Variants in MARCHF3 observed in about 807,000 individuals in gnomAD.
MARCHF3 encodes the protein E3 ubiquitin-protein ligase MARCHF3.
In MARCHF3, 13 loss-of-function variants were observed where a neutral mutation model predicts 24.2. That is an observed-to-expected ratio of 0.54 (90% CI 0.35 to 0.85). MARCHF3 has a LOEUF of 0.85. Among genes scored for constraint, MARCHF3 ranks in the 40% least tolerant of loss-of-function variants. The pLI is 0.01. For synonymous variants in MARCHF3, 144 were observed against 137.3 expected (o/e 1.05, Z -0.34); for missense variants, 276 against 325.0 (o/e 0.85, Z 1.16).
chr5:127,004,933 A>C (rs1314554095), intron 1 of MARCHF3, among the ~76,000 whole-genome samples: 5 of 151,926 alleles, frequency 3.3e-5, no homozygotes, highest in Non-Finnish European at 5.9e-5. Flanking sequence ...ATGCCCTCAC[A>C]CAGCTGGTGT....
Position 126,869,300 on chromosome 5 carries a change from C to T in MARCHF3, c.*1333G>A, listed in dbSNP as rs1752879780. 6.6e-6 allele frequency: 1 copy of T among 152,290 alleles called. No homozygotes were observed. Among genetic ancestry groups the T allele is most frequent in the Non-Finnish European group, 1.5e-5 (1 of 68,092 alleles). The allele number at this position is 152,290 out of a possible 1,614,324, so 9.4% of individuals were successfully genotyped here. Reference sequence around the variant, plus strand: ...CCGGAAGCAGGGCTCCGCCCCTCCTCGCTGCGTGTGGGCGGGCGGACAGCC... The same window carrying T: ...CCGGAAGCAGGGCTCCGCCCCTCCTTGCTGCGTGTGGGCGGGCGGACAGCC... On this transcript the variant is annotated 3_prime_UTR_variant, in exon 5 of 5. Transcript: ENST00000308660.
intron 1 of MARCHF3, among the ~76,000 whole-genome samples, chr5:127,021,535 A>T (rs1023673810): frequency 6.6e-6 from 1 of 152,234 alleles, no homozygotes; most frequent in Non-Finnish European, 1.5e-5. Context: ...AAGAGACCAT[A>T]ATTAAAACAG....
chr5:126,974,583 G>C (rs188237082), intron 1 of MARCHF3, among the ~76,000 whole-genome samples: 1 of 152,326 alleles, frequency 6.6e-6, no homozygotes, highest in East Asian at 1.9e-4. Flanking sequence ...CTCAGTTGGA[G>C]GTTCTGAAAT....
intron 1 of MARCHF3, among the ~76,000 whole-genome samples, chr5:127,011,657 T>A (rs1035402824): frequency 6.6e-6 from 1 of 152,204 alleles, no homozygotes; most frequent in Non-Finnish European, 1.5e-5. Context: ...AAAGTGTAGT[T>A]TTCCCCCACA....
At chr5:126,930,524 C>T (rs1749446767) in intron 1 of MARCHF3, among the ~76,000 whole-genome samples, 1 of 152,216 alleles carries the variant, frequency 6.6e-6, no homozygotes, top group African/African-American at 2.4e-5. Context: ...AGACTGACTA[C>T]TCAAGGTCAT....
chr5:126,983,997 G>A (rs1308540331), intron 1 of MARCHF3, among the ~76,000 whole-genome samples: 1 of 152,090 alleles, frequency 6.6e-6, no homozygotes, highest in Non-Finnish European at 1.5e-5. Context: ...TGTAGCAAAA[G>A]ATTAAAACCT....
At chr5:126,890,466 T>G (rs1480382009) in intron 3 of MARCHF3, among the ~76,000 whole-genome samples, 1 of 124,318 alleles carries the variant, frequency 8.0e-6, no homozygotes, top group African/African-American at 3.1e-5. Flanking sequence ...GTCCCCAGAC[T>G]GTGATATTCC....
intron 1 of MARCHF3, among the ~76,000 whole-genome samples, chr5:126,919,111 TG>T (rs1391885499): frequency 6.6e-6 from 1 of 152,192 alleles, no homozygotes; most frequent in African/African-American, 2.4e-5. Flanking sequence ...CCTAGGCACA[TG>T]GTTTATCATA....
At chr5:126,889,433 C>T (rs1273596496) in intron 3 of MARCHF3, among the ~76,000 whole-genome samples, 3 of 152,032 alleles carry the variant, frequency 2.0e-5, no homozygotes, top group Non-Finnish European at 4.4e-5. Context: ...ACTACACTTA[C>T]ATATCTGTGT....
At position 126,940,999 on chromosome 5, in the gene MARCHF3, G is replaced by A. The variant is rs148574133; in HGVS notation, c.-56-22772C>T. Among the ~76,000 whole-genome samples the A allele has an allele frequency of 3.0e-4, 46 of 152,132 alleles. 1 individual carries two copies. The East Asian group carries it at 4.4e-3, about 15-fold the overall frequency. On this transcript the variant is annotated intron_variant, in intron 1 of 4. Coordinates refer to ENST00000308660, the MANE Select transcript of MARCHF3 (RefSeq NM_178450.5). ...TTATTTAATGCTTTTTGTTTTTTAAGTAAATGGAAGTCGGAAACTTTAATT... is the reference window on the plus strand; with the variant it reads ...TTATTTAATGCTTTTTGTTTTTTAAATAAATGGAAGTCGGAAACTTTAATT...
At chr5:126,906,396 C>G (rs547714866) in intron 3 of MARCHF3, among the ~76,000 whole-genome samples, 23 of 152,160 alleles carry the variant, frequency 1.5e-4, no homozygotes, top group Non-Finnish European at 3.2e-4. Flanking sequence ...GAATGGTACC[C>G]AGTTCCTCCT....
At chr5:126,898,427 G>A (rs1753998978) in intron 3 of MARCHF3, among the ~76,000 whole-genome samples, 1 of 152,014 alleles carries the variant, frequency 6.6e-6, no homozygotes, top group Admixed American at 6.6e-5. Flanking sequence ...GCTGACATAG[G>A]TATATTTTGA....
At chr5:126,999,759 T>G (rs1350652952) in intron 1 of MARCHF3, among the ~76,000 whole-genome samples, 1 of 152,170 alleles carries the variant, frequency 6.6e-6, no homozygotes, top group Non-Finnish European at 1.5e-5. Context: ...ATTATAAGAC[T>G]GTTAGTGCTG....
intron 1 of MARCHF3, among the ~76,000 whole-genome samples, chr5:127,006,047 A>G (rs1752303254): frequency 6.6e-6 from 1 of 151,936 alleles, no homozygotes; most frequent in Non-Finnish European, 1.5e-5. Context: ...ACTAAGAAAT[A>G]CAAAAATTAG....
chr5:127,010,590 G>C (rs1736885866), intron 1 of MARCHF3, among the ~76,000 whole-genome samples: 2 of 152,232 alleles, frequency 1.3e-5, no homozygotes, highest in Non-Finnish European at 2.9e-5. Flanking sequence ...ATGTCTGTGA[G>C]AGCCGAGCTT....
chr5:127,002,255 C>T (rs183995601), intron 1 of MARCHF3, among the ~76,000 whole-genome samples: 6 of 152,304 alleles, frequency 3.9e-5, no homozygotes, highest in Admixed American at 3.9e-4. Context: ...GCCCTGATAA[C>T]ATTTGTCTGG....
chr5:126,989,352 A>T (rs1382207039), intron 1 of MARCHF3, among the ~76,000 whole-genome samples: 3 of 151,530 alleles, frequency 2.0e-5, no homozygotes, highest in Non-Finnish European at 4.4e-5. Flanking sequence ...AATAATAATA[A>T]TATTAGGACT....
At chr5:126,971,766 A>C (rs1751022959) in intron 1 of MARCHF3, among the ~76,000 whole-genome samples, 1 of 152,254 alleles carries the variant, frequency 6.6e-6, no homozygotes, top group South Asian at 2.1e-4. Context: ...GTAAGTGACA[A>C]TTAGTCACTA....
At chr5:126,893,730 T>C (rs1243085196) in intron 3 of MARCHF3, among the ~76,000 whole-genome samples, 1 of 125,674 alleles carries the variant, frequency 8.0e-6, no homozygotes, top group African/African-American at 3.1e-5. Context: ...AATTTTGGAA[T>C]AGGTGTGGTG....
Sources: gnomAD v4.1 joint callset for allele counts (sites outside exome capture counted in the v4.1 genomes callset) on GRCh38, gnomAD v4.1.1 for gene constraint, MANE v1.5 for transcripts, NCBI Gene and HGNC (gene_info 2026-07-23, HGNC 2026-07-21) for gene names.